The following IL34 variants were observed in gnomAD, a reference collection of about 807,000 sequenced individuals.
The protein encoded by IL34 is interleukin-34.
A neutral mutation model predicts 25.3 loss-of-function variants in IL34; 17 were observed. The observed-to-expected ratio is 0.67, with a 90% CI of 0.46 to 1.01. The LOEUF (loss-of-function observed/expected upper bound fraction) is 1.01, where lower values mean the gene tolerates loss of function less well. Ranked by LOEUF, IL34 falls within the 50% of genes least tolerant of loss-of-function variation. The pLI is 0.00. For missense variants in IL34, 368 were observed against 312.9 expected (o/e 1.18, Z -1.33); for synonymous variants, 174 against 140.9 (o/e 1.23, Z -1.66).
chr16:70,655,344 C>T (rs1442866303), intron 2 of IL34, among the ~76,000 whole-genome samples: 1 of 151,992 alleles, frequency 6.6e-6, no homozygotes, highest in Non-Finnish European at 1.5e-5. Flanking sequence ...AGCCACTGCG[C>T]CCGGCCCTTT....
chr16:70,629,463 A>G (rs1462456799), intron 1 of IL34, among the ~76,000 whole-genome samples: 1 of 152,160 alleles, frequency 6.6e-6, no homozygotes, highest in Non-Finnish European at 1.5e-5. Flanking sequence ...GAACCCCCCA[A>G]AGATACCAAA....
At chr16:70,624,109 G>A (rs1949509261) in intron 1 of IL34, among the ~76,000 whole-genome samples, 1 of 152,098 alleles carries the variant, frequency 6.6e-6, no homozygotes. Flanking sequence ...GAGTTCCAGG[G>A]GCTCTGGGAG....
Position 70,640,148 on chromosome 16 carries a change from T to C in IL34, c.-400-6400T>C, listed in dbSNP as rs116340522. ...GCTAGACTTTTTGTTTTGTTTTCTT[T>C]TGTTTTGCTTTGAGACAGGGTCTCA... On this transcript the variant is annotated intron_variant, in intron 1 of 6. Transcript: ENST00000429149. Among the ~76,000 whole-genome samples, 695 of 152,244 alleles carry C rather than the reference T, an allele frequency of 4.6e-3. 6 individuals are homozygous for C. Among genetic ancestry groups the C allele is most frequent in the African/African-American group, 0.016 (665 of 41,552 alleles).
At chr16:70,604,587 C>G (rs2050969829) in intron 1 of IL34, among the ~76,000 whole-genome samples, 1 of 152,186 alleles carries the variant, frequency 6.6e-6, no homozygotes, top group Non-Finnish European at 1.5e-5. Flanking sequence ...TCCATTTTCC[C>G]CATTGTTCTC....
At chr16:70,623,557 G>A (rs1311143912) in intron 1 of IL34, among the ~76,000 whole-genome samples, 2 of 152,072 alleles carry the variant, frequency 1.3e-5, no homozygotes, top group Non-Finnish European at 2.9e-5. Flanking sequence ...AACAGGGTAA[G>A]GGTGATAAGG....
intron 1 of IL34, among the ~76,000 whole-genome samples, chr16:70,652,132 A>AAT (rs1293716369): frequency 6.6e-6 from 1 of 150,820 alleles, no homozygotes; most frequent in African/African-American, 2.5e-5. Flanking sequence ...CGTCTCAAAA[A>AAT]AAAAATAAAT....
chr16:70,642,486 C>T (rs966744152), upstream of IL34, among the ~76,000 whole-genome samples: 4 of 152,046 alleles, frequency 2.6e-5, no homozygotes, highest in East Asian at 1.9e-4. Flanking sequence ...TTAGTGGAGA[C>T]GGTGTTTCAC....
chr16:70,609,494 C>A (rs113250823), intron 1 of IL34, among the ~76,000 whole-genome samples: 87 of 152,126 alleles, frequency 5.7e-4, no homozygotes, highest in African/African-American at 1.9e-3. Context: ...TGATGACACC[C>A]GGAGGTGTGG....
intron 4 of IL34, among the ~76,000 whole-genome samples, chr16:70,658,117 G>T: frequency 6.6e-6 from 1 of 152,166 alleles, no homozygotes; most frequent in East Asian, 1.9e-4. Flanking sequence ...TCCACCTGCT[G>T]CCCTGCCCAG....
At chr16:70,593,370 A>G (rs1192425811) in intron 1 of IL34, among the ~76,000 whole-genome samples, 1 of 152,178 alleles carries the variant, frequency 6.6e-6, no homozygotes. Flanking sequence ...AAGATCAGCT[A>G]GATTTTCTTC....
chr16:70,599,450 G>A (rs896322710), intron 1 of IL34, among the ~76,000 whole-genome samples: 15 of 150,616 alleles, frequency 1.0e-4, no homozygotes, highest in African/African-American at 2.4e-4. Flanking sequence ...TTTGCCTCCC[G>A]GGTTCAAGCG....
chr16:70,590,795 G>C (rs1312854890), intron 1 of IL34, among the ~76,000 whole-genome samples: 3 of 152,170 alleles, frequency 2.0e-5, no homozygotes, highest in African/African-American at 4.8e-5. Context: ...CCTCCATCCT[G>C]GGTGGAAGTC....
upstream of IL34, among the ~76,000 whole-genome samples, chr16:70,641,644 C>T (rs1423351122): frequency 6.6e-6 from 1 of 151,092 alleles, no homozygotes; most frequent in African/African-American, 2.4e-5. Flanking sequence ...TGGCCTGTTG[C>T]TGCCTCCACC....
chr16:70,591,514 A>G (rs1390167843), intron 1 of IL34, among the ~76,000 whole-genome samples: 1 of 150,868 alleles, frequency 6.6e-6, no homozygotes, highest in Admixed American at 6.6e-5. Flanking sequence ...GGCTTCAGTT[A>G]GCCATGATCA....
intron 1 of IL34, among the ~76,000 whole-genome samples, chr16:70,618,223 C>T (rs12923599): frequency 0.38 from 58,003 of 150,678 alleles, 11,497 homozygotes; most frequent in South Asian, 0.61. Flanking sequence ...CTGGTGGAAC[C>T]TCCATCAATA....
At position 70,660,196 on chromosome 16, in the gene IL34, G is replaced by C; in HGVS notation, c.*9G>C. 6.4e-7 allele frequency: 1 copy of C among 1,557,976 alleles called. No individual in the cohort carries two copies. The highest frequency in any genetic ancestry group is 1.2e-5 in the South Asian group (1 of 82,290). On this transcript the variant is annotated 3_prime_UTR_variant, in exon 6 of 6. Coordinates refer to ENST00000288098, the MANE Select transcript of IL34 (RefSeq NM_001393494.1). ...AGGGCCTCTTGCCCTGAGCACCCTGGATGGTGACTGCGGATAGGGGCAGCC... is the reference window on the plus strand; with the variant it reads ...AGGGCCTCTTGCCCTGAGCACCCTGCATGGTGACTGCGGATAGGGGCAGCC...
intron 1 of IL34, among the ~76,000 whole-genome samples, chr16:70,598,998 G>T (rs564312498): frequency 6.6e-6 from 1 of 152,268 alleles, no homozygotes; most frequent in East Asian, 1.9e-4. Flanking sequence ...ATAGATTAGA[G>T]GCATTATCAC....
chr16:70,659,888 A>G, intron 5 of IL34, 109 bp from the exon 6 acceptor site: 1 of 1,477,418 alleles, frequency 6.8e-7, no homozygotes. Flanking sequence ...TCTGGAAGCC[A>G]GGATGGGCCC....
chr16:70,605,753 A>G (rs1404969122), intron 1 of IL34, among the ~76,000 whole-genome samples: 2 of 151,744 alleles, frequency 1.3e-5, no homozygotes, highest in Non-Finnish European at 2.9e-5. Context: ...TCACTGCAAC[A>G]TCTGCCTCCC....
Sources: gnomAD v4.1 joint callset for allele counts (sites outside exome capture counted in the v4.1 genomes callset) on GRCh38, gnomAD v4.1.1 for gene constraint, MANE v1.5 for transcripts, NCBI Gene and HGNC (gene_info 2026-07-23, HGNC 2026-07-21) for gene names.